The following ZCCHC10 variants were observed in gnomAD, a reference collection of about 807,000 sequenced individuals.
ZCCHC10 encodes the protein zinc finger CCHC-type containing 10, also known as zinc finger CCHC domain-containing protein 10.
ZCCHC10 carries 16 observed loss-of-function variants against 19.5 expected under a neutral mutation model. That is an observed-to-expected ratio of 0.82 (90% CI 0.56 to 1.25). The LOEUF is 1.25. Ranked by LOEUF, ZCCHC10 falls within the 50% of genes most tolerant of loss-of-function variation. The pLI, the probability that ZCCHC10 is intolerant of heterozygous loss-of-function variation, is 0.00. For synonymous variants in ZCCHC10, 67 were observed against 72.5 expected, an observed-to-expected ratio of 0.92 and a Z score of 0.38; for missense variants, 197 against 201.0, an observed-to-expected ratio of 0.98 and a Z score of 0.12.
chr5:133,004,005 C>T (rs1762945071), intron 3 of ZCCHC10, among the ~76,000 whole-genome samples: 1 of 152,034 alleles, frequency 6.6e-6, no homozygotes, highest in Non-Finnish European at 1.5e-5. Flanking sequence ...CCACTGTGCC[C>T]AGTCCGGAAA....
At chr5:133,018,966 T>C (rs1296043524) in intron 2 of ZCCHC10, 3 of 387,636 alleles carry the variant, frequency 7.7e-6, no homozygotes, top group Non-Finnish European at 1.5e-5. Context: ...TCCAAGCTTA[T>C]AGGTTGTTTT....
intron 2 of ZCCHC10, among the ~76,000 whole-genome samples, chr5:133,010,787 A>AG (rs1468663810): frequency 2.0e-5 from 3 of 150,710 alleles, no homozygotes; most frequent in Admixed American, 2.0e-4. Context: ...ACAGTTTAAA[A>AG]GGAACTTTTT....
chr5:133,009,688 T>C (rs1194557357), intron 2 of ZCCHC10, among the ~76,000 whole-genome samples: 6 of 151,780 alleles, frequency 4.0e-5, no homozygotes, highest in African/African-American at 1.5e-4. Context: ...AAGTCAACTT[T>C]TGTGCTGGGT....
intron 2 of ZCCHC10, among the ~76,000 whole-genome samples, chr5:133,020,533 G>C (rs945950056): frequency 6.6e-6 from 1 of 150,426 alleles, no homozygotes; most frequent in Non-Finnish European, 1.5e-5. Context: ...TGTGGTGGGA[G>C]AATCATTTGA....
intron 4 of ZCCHC10, among the ~76,000 whole-genome samples, chr5:132,999,756 AT>A (rs915883084): frequency 6.6e-6 from 1 of 151,166 alleles, no homozygotes; most frequent in East Asian, 1.9e-4. Context: ...TCTTATAGCT[AT>A]TTTTTTTTGA....
At chr5:133,022,086 G>A (rs906477807) in intron 2 of ZCCHC10, among the ~76,000 whole-genome samples, 6 of 151,734 alleles carry the variant, frequency 4.0e-5, no homozygotes, top group Admixed American at 6.6e-5. Flanking sequence ...ATGAGCCACC[G>A]CACCCGGCCT....
intron 2 of ZCCHC10, among the ~76,000 whole-genome samples, 172 bp downstream of exon 2, chr5:133,022,669 T>G (rs1764396931): frequency 6.6e-6 from 1 of 152,116 alleles, no homozygotes; most frequent in Non-Finnish European, 1.5e-5. Flanking sequence ...GCCAGGATGG[T>G]CTCGATCTCT....
Position 133,006,749 on chromosome 5 carries a change from G to A in ZCCHC10, c.269+10C>T, listed in dbSNP as rs1242826300. 3.1e-6 allele frequency: 5 copies of A among 1,595,764 alleles called. No individual in the cohort carries two copies. The highest frequency in any genetic ancestry group is 2.3e-5 in the South Asian group (2 of 86,862). On this transcript the variant is annotated intron_variant, in intron 3 of 4. Transcript: ENST00000509437. ...AAAAATATTCCTTTGGATACCACAT[G>A]TAAACCTACCTTTGTTGCAATAATA...
At chr5:133,012,155 AGAAAGAAAGAAAG>A (rs1763593595) in intron 2 of ZCCHC10, among the ~76,000 whole-genome samples, 1 of 65,840 alleles carries the variant, frequency 1.5e-5, no homozygotes, top group Non-Finnish European at 2.6e-5. Context: ...AAAAAAAAAA[AGAAAGAAAGAAAG>A]AAAAAAAGAA....
In ZCCHC10 at chr5:133,019,146, G is replaced by A. The variant is rs189451862; in HGVS notation, c.107+3695C>T. The A allele has an allele frequency of 2.3e-3, 1,013 of 442,528 alleles. 9 individuals are homozygous for A. The highest frequency in any genetic ancestry group is 0.017 in the African/African-American group (857 of 49,006). 27.4% of individuals were successfully genotyped at this position (442,528 alleles called of 1,614,324 possible). A position where few individuals can be genotyped will look rare whatever the true frequency, so the allele number is the denominator to read the frequency against. On this transcript the variant is annotated intron_variant, in intron 2 of 4. Coordinates refer to ENST00000509437, the MANE Select transcript of ZCCHC10 (RefSeq NM_001300816.3). Reference sequence around the variant, plus strand: ...CGCCTATAATCCTGGCACTTTGAGAGGCCAAGGCAGGATCACCCGAGCTCA... The same window carrying A: ...CGCCTATAATCCTGGCACTTTGAGAAGCCAAGGCAGGATCACCCGAGCTCA...
At chr5:133,021,669 T>A (rs1421843599) in intron 2 of ZCCHC10, among the ~76,000 whole-genome samples, 3 of 152,204 alleles carry the variant, frequency 2.0e-5, no homozygotes, top group African/African-American at 7.2e-5. Context: ...CAAGACTTAT[T>A]ATGAAGCTAC....
chr5:133,012,586 A>G (rs1763628282), intron 2 of ZCCHC10, among the ~76,000 whole-genome samples: 1 of 152,058 alleles, frequency 6.6e-6, no homozygotes. Context: ...TAACAGAAAA[A>G]TAAGATGAAG....
Position 133,000,038 on chromosome 5 carries a change from G to GC in ZCCHC10, c.311+93dup, listed in dbSNP as rs1762661195. Reference sequence around the variant, plus strand: ...GCTGGGATTATAGGCATGAGCCACTGCATCTGGCATAGCTATTGTTTTAAA... The same window carrying GC: ...GCTGGGATTATAGGCATGAGCCACTGCCATCTGGCATAGCTATTGTTTTAAA... On this transcript the variant is annotated intron_variant, in intron 4 of 4. Coordinates refer to ENST00000509437, the MANE Select transcript of ZCCHC10 (RefSeq NM_001300816.3). 47 of 1,400,536 alleles carry GC rather than the reference G, an allele frequency of 3.4e-5. No individual in the cohort carries two copies. The East Asian group carries it at 1.1e-3, about 33-fold the overall frequency. 86.8% of individuals were successfully genotyped at this position (1,400,536 alleles called of 1,614,324 possible).
chr5:133,004,613 C>G (rs896066833), intron 3 of ZCCHC10, among the ~76,000 whole-genome samples: 1 of 152,130 alleles, frequency 6.6e-6, no homozygotes, highest in African/African-American at 2.4e-5. Context: ...CTCAGCCTCC[C>G]GAATAGCTGG....
intron 2 of ZCCHC10, among the ~76,000 whole-genome samples, chr5:133,022,175 AC>A (rs1182010388): frequency 1.3e-5 from 2 of 152,210 alleles, no homozygotes; most frequent in Non-Finnish European, 2.9e-5. Context: ...TTATAGCTGT[AC>A]AAAAATTTTT....
In ZCCHC10 at chr5:132,998,235, C is replaced by T. The variant is rs1182338963; in HGVS notation, c.*348G>A. 1 of 178,858 alleles carries T rather than the reference C, an allele frequency of 5.6e-6. No homozygotes were observed. Among genetic ancestry groups the T allele is most frequent in the Non-Finnish European group, 1.2e-5 (1 of 83,624 alleles). The allele number at this position is 178,858 out of a possible 1,614,324, so 11.1% of individuals were successfully genotyped here. ...CTGCCAGATATCCTGACGCACCATC[C>T]TGAAAATATGTCTGATACATACCAC... On this transcript the variant is annotated 3_prime_UTR_variant, in exon 5 of 5. Transcript: ENST00000509437.
At chr5:133,012,929 T>C (rs1334141520) in intron 2 of ZCCHC10, among the ~76,000 whole-genome samples, 5 of 151,460 alleles carry the variant, frequency 3.3e-5, no homozygotes, top group Non-Finnish European at 7.4e-5. Flanking sequence ...CGGGTGCCTG[T>C]AGTCCCAGCT....
chr5:133,004,710 T>C (rs1018849415), intron 3 of ZCCHC10, among the ~76,000 whole-genome samples: 1 of 145,194 alleles, frequency 6.9e-6, no homozygotes, highest in East Asian at 2.2e-4. Flanking sequence ...CAGGAAGATC[T>C]CCATCTCCTG....
At chr5:133,019,064 T>C (rs1165186399) in intron 2 of ZCCHC10, 3 of 452,606 alleles carry the variant, frequency 6.6e-6, no homozygotes, top group Non-Finnish European at 1.3e-5. Context: ...TTGTTATAAA[T>C]ACGACATTCA....
Sources: gnomAD v4.1 joint callset for allele counts (sites outside exome capture counted in the v4.1 genomes callset) on GRCh38, gnomAD v4.1.1 for gene constraint, MANE v1.5 for transcripts, NCBI Gene and HGNC (gene_info 2026-07-23, HGNC 2026-07-21) for gene names.